Variants in SLC35F3 observed in about 807,000 individuals in gnomAD.
SLC35F3 encodes the protein putative thiamine transporter SLC35F3.
SLC35F3 carries 25 observed loss-of-function variants against 49.9 expected under a neutral mutation model. That is an observed-to-expected ratio of 0.50 (90% CI 0.37 to 0.70). The LOEUF is 0.70. Among genes scored for constraint, SLC35F3 ranks in the 30% least tolerant of loss-of-function variants. SLC35F3 has a pLI of 0.00. For synonymous variants in SLC35F3, 275 were observed against 265.4 expected (o/e 1.04, Z -0.35); for missense variants, 525 against 639.8 (o/e 0.82, Z 1.94).
chr1:234,103,253 CCT>C (rs1414544427), intron 2 of SLC35F3, among the ~76,000 whole-genome samples: 1 of 152,146 alleles, frequency 6.6e-6, no homozygotes, highest in Non-Finnish European at 1.5e-5. Context: ...CCACCCCCAC[CCT>C]CTCTCAATGC....
chr1:233,930,476 C>G (rs1662225161), intron 2 of SLC35F3, among the ~76,000 whole-genome samples: 1 of 152,082 alleles, frequency 6.6e-6, no homozygotes, highest in South Asian at 2.1e-4. Flanking sequence ...TTCATACGAC[C>G]CTTATATTTT....
At chr1:234,061,795 A>G (rs1291027382) in intron 2 of SLC35F3, among the ~76,000 whole-genome samples, 3 of 152,186 alleles carry the variant, frequency 2.0e-5, no homozygotes, top group African/African-American at 7.2e-5. Flanking sequence ...TCCAGAATTT[A>G]CGTTTGGCTT....
At chr1:234,205,893 G>T (rs889401095) in intron 2 of SLC35F3, among the ~76,000 whole-genome samples, 6 of 152,136 alleles carry the variant, frequency 3.9e-5, no homozygotes, top group African/African-American at 1.4e-4. Flanking sequence ...ATGACCAGGG[G>T]ACCTGGGGGT....
At chr1:234,108,318 A>AGATATATATATATAT (rs1665321166) in intron 2 of SLC35F3, among the ~76,000 whole-genome samples, 1 of 88,878 alleles carries the variant, frequency 1.1e-5, no homozygotes, top group Non-Finnish European at 2.7e-5. Flanking sequence ...TATATATAAA[A>AGATATATATATATAT]GATATATATT....
intron 3 of SLC35F3, among the ~76,000 whole-genome samples, chr1:234,241,620 A>C (rs1029704259): frequency 4.6e-5 from 7 of 151,770 alleles, no homozygotes; most frequent in African/African-American, 1.7e-4. Context: ...CTGTAATCCC[A>C]GCTACTTGTG....
At chr1:234,113,650 G>T (rs777448760) in intron 2 of SLC35F3, among the ~76,000 whole-genome samples, 42 of 152,162 alleles carry the variant, frequency 2.8e-4, no homozygotes, top group Non-Finnish European at 5.4e-4. Context: ...GATCACCTGA[G>T]ATCAGGAGTT....
chr1:234,170,284 C>T (rs1044813499), intron 2 of SLC35F3, among the ~76,000 whole-genome samples: 1 of 152,180 alleles, frequency 6.6e-6, no homozygotes, highest in Non-Finnish European at 1.5e-5. Flanking sequence ...GGGGGCACGG[C>T]AGCTCGTAGG....
chr1:234,033,220 C>G (rs896503764), intron 2 of SLC35F3, among the ~76,000 whole-genome samples: 1 of 151,804 alleles, frequency 6.6e-6, no homozygotes, highest in African/African-American at 2.4e-5. Flanking sequence ...TTTTTTCTTG[C>G]AATTTGTTTG....
chr1:234,185,464 A>G (rs1011599652), intron 2 of SLC35F3, among the ~76,000 whole-genome samples: 1 of 152,226 alleles, frequency 6.6e-6, no homozygotes, highest in Non-Finnish European at 1.5e-5. Flanking sequence ...AAGTTAGGCC[A>G]TTCCAAAAGG....
intron 2 of SLC35F3, among the ~76,000 whole-genome samples, chr1:234,165,787 G>A (rs1244825259): frequency 6.6e-6 from 1 of 152,084 alleles, no homozygotes; most frequent in Non-Finnish European, 1.5e-5. Context: ...TGAAGTCTGG[G>A]ATTTTAGTGT....
At chr1:234,288,846 C>G (rs1170459672) in intron 3 of SLC35F3, among the ~76,000 whole-genome samples, 1 of 152,144 alleles carries the variant, frequency 6.6e-6, no homozygotes, top group Non-Finnish European at 1.5e-5. Flanking sequence ...GCCTTATTCA[C>G]TGATCCACAC....
At chr1:234,144,108 G>A (rs1024140132) in intron 2 of SLC35F3, among the ~76,000 whole-genome samples, 1 of 152,210 alleles carries the variant, frequency 6.6e-6, no homozygotes, top group East Asian at 1.9e-4. Flanking sequence ...GGGTGTAGCA[G>A]GGGAGATGGC....
chr1:234,060,195 C>A (rs1190617344), intron 2 of SLC35F3, among the ~76,000 whole-genome samples: 1 of 152,176 alleles, frequency 6.6e-6, no homozygotes, highest in Non-Finnish European at 1.5e-5. Flanking sequence ...CACTTGAGAA[C>A]AAAGCATGTT....
At chr1:234,250,579 G>A (rs1667721546) in intron 3 of SLC35F3, among the ~76,000 whole-genome samples, 2 of 150,506 alleles carry the variant, frequency 1.3e-5, no homozygotes, top group African/African-American at 4.9e-5. Context: ...GCGTGAACCC[G>A]GGAGGCGGAG....
chr1:234,236,329 A>G (rs1210130226), intron 3 of SLC35F3, among the ~76,000 whole-genome samples: 2 of 152,070 alleles, frequency 1.3e-5, no homozygotes, highest in Non-Finnish European at 2.9e-5. Flanking sequence ...AGTCCCAGCT[A>G]CTCAGGGGAC....
intron 3 of SLC35F3, among the ~76,000 whole-genome samples, chr1:234,282,612 C>T (rs968294726): frequency 2.6e-5 from 4 of 152,186 alleles, no homozygotes; most frequent in Non-Finnish European, 5.9e-5. Context: ...GGCAGAGCAC[C>T]GCCAAAAGAA....
intron 2 of SLC35F3, among the ~76,000 whole-genome samples, chr1:234,202,801 C>A (rs1362838179): frequency 1.3e-5 from 2 of 152,186 alleles, no homozygotes; most frequent in Admixed American, 6.5e-5. Context: ...AGTAAAAAAC[C>A]TTATGTCAGC....
chr1:234,270,726 CA>C (rs1668084665), intron 3 of SLC35F3, among the ~76,000 whole-genome samples: 1 of 152,130 alleles, frequency 6.6e-6, no homozygotes, highest in Non-Finnish European at 1.5e-5. Context: ...TTTTGCGAGA[CA>C]AAAAGGCAAC....
intron 2 of SLC35F3, among the ~76,000 whole-genome samples, chr1:234,172,383 C>CG (rs1448466449): frequency 6.6e-6 from 1 of 152,148 alleles, no homozygotes; most frequent in African/African-American, 2.4e-5. Flanking sequence ...CGTGCCACCA[C>CG]GCCCAGCTAA....
Sources: allele counts gnomAD v4.1 joint callset (sites outside exome capture counted in the v4.1 genomes callset), GRCh38; gene constraint gnomAD v4.1.1; transcripts MANE v1.5; gene names NCBI Gene and HGNC (gene_info 2026-07-23, HGNC 2026-07-21).